The following CHL1 variants were observed in gnomAD, a reference collection of about 807,000 sequenced individuals.
The protein encoded by CHL1 is neural cell adhesion molecule L1-like protein.
CHL1 carries 96 observed loss-of-function variants against 141.9 expected under a neutral mutation model. That is an observed-to-expected ratio of 0.68 (90% CI 0.57 to 0.80). The LOEUF (loss-of-function observed/expected upper bound fraction) is 0.80. Among genes scored for constraint, CHL1 ranks in the 30% least tolerant of loss-of-function variants. The probability of loss-of-function intolerance (pLI) is 0.00; values close to 1 mark genes in which losing one functional copy is unlikely to be tolerated. For missense variants in CHL1, 1,820 were observed against 1,457.2 expected (o/e 1.25, Z -4.05); for synonymous variants, 613 against 502.2 (o/e 1.22, Z -2.95).
chr3:350,384 T>C (rs1016864678), intron 10 of CHL1, among the ~76,000 whole-genome samples: 3 of 152,278 alleles, frequency 2.0e-5, no homozygotes, highest in Admixed American at 2.0e-4. Flanking sequence ...AGGCTTTCTA[T>C]CTACAATGTA....
chr3:254,883 C>G (rs181419870), intron 2 of CHL1, among the ~76,000 whole-genome samples: 1 of 152,302 alleles, frequency 6.6e-6, no homozygotes, highest in Non-Finnish European at 1.5e-5. Flanking sequence ...CCAGTTAATA[C>G]TATCACATTG....
rs17038734 is a variant in CHL1 at position 405,343 on chromosome 3, G to C, written c.3459-152G>C. 5,626 of 580,696 alleles carry C rather than the reference G, an allele frequency of 9.7e-3. 215 individuals carry two copies. Among genetic ancestry groups the C allele is most frequent in the African/African-American group, 0.09 (4,777 of 53,356 alleles). 36.0% of individuals were successfully genotyped at this position (580,696 alleles called of 1,614,324 possible). A position where few individuals can be genotyped will look rare whatever the true frequency, so the allele number is the denominator to read the frequency against. On this transcript the variant is annotated intron_variant, in intron 27 of 27. Transcript: ENST00000256509. ...GACTTCGTAAACTTGGTAAACATTT[G>C]TGGTAGTATCATGTGGGCTTTACTA...
At chr3:303,471 C>G (rs1036067025) in intron 2 of CHL1, among the ~76,000 whole-genome samples, 1 of 152,078 alleles carries the variant, frequency 6.6e-6, no homozygotes, top group East Asian at 1.9e-4. Flanking sequence ...AAGTTGTATT[C>G]CTAGGCATTT....
chr3:209,665 T>C (rs1014173238), intron 1 of CHL1, among the ~76,000 whole-genome samples: 2 of 152,236 alleles, frequency 1.3e-5, no homozygotes, highest in African/African-American at 2.4e-5. Flanking sequence ...GCTGCACCCA[T>C]TAACTCGTCG....
chr3:253,304 G>C (rs1283091832), intron 2 of CHL1, among the ~76,000 whole-genome samples: 1 of 152,152 alleles, frequency 6.6e-6, no homozygotes, highest in Non-Finnish European at 1.5e-5. Flanking sequence ...GGATGGGACA[G>C]TTAATGCGAG....
intron 2 of CHL1, among the ~76,000 whole-genome samples, 162 bp downstream of exon 2, chr3:244,854 A>G (rs904746050): frequency 2.0e-5 from 3 of 152,198 alleles, no homozygotes; most frequent in Admixed American, 6.5e-5. Flanking sequence ...TATATCATAT[A>G]GTGAAGGTTT....
chr3:231,412 G>A (rs1157217363), intron 1 of CHL1, among the ~76,000 whole-genome samples: 1 of 151,880 alleles, frequency 6.6e-6, no homozygotes, highest in Non-Finnish European at 1.5e-5. Context: ...ATTTCCTAGA[G>A]AACTGAAGCA....
chr3:360,668 C>A (rs1180066487), intron 12 of CHL1, among the ~76,000 whole-genome samples: 3 of 150,192 alleles, frequency 2.0e-5, no homozygotes, highest in Non-Finnish European at 3.0e-5. Flanking sequence ...TATACATGTG[C>A]CATGCTGGTG....
intron 1 of CHL1, among the ~76,000 whole-genome samples, chr3:214,455 A>T (rs1251168899): frequency 6.6e-6 from 1 of 152,228 alleles, no homozygotes; most frequent in Non-Finnish European, 1.5e-5. Context: ...TCAAGTGAAA[A>T]TATTTCCTAC....
At chr3:198,277 C>A (rs1698573287) in intron 1 of CHL1, among the ~76,000 whole-genome samples, 1 of 152,048 alleles carries the variant, frequency 6.6e-6, no homozygotes. Context: ...CGCCGGCGTC[C>A]AGTCCCGCTC....
Position 260,929 on chromosome 3 carries a change from G to GT in CHL1, c.-95+16245dup, listed in dbSNP as rs909640089. On this transcript the variant is annotated intron_variant, in intron 2 of 27. Coordinates refer to ENST00000256509, the MANE Select transcript of CHL1 (RefSeq NM_006614.4). The stretch of plus-strand genomic sequence containing the variant: ...CACCAGATTGTCAGAAATTAGCCTG[G>GT]TTTTTTTTGGACAGTTTGAGAAGCC... Among the ~76,000 whole-genome samples the GT allele has an allele frequency of 7.9e-5, 12 of 152,032 alleles. No individual in the cohort carries two copies. The Middle Eastern group carries it at 0.014, about 172-fold the overall frequency.
intron 1 of CHL1, among the ~76,000 whole-genome samples, chr3:205,193 C>G (rs767328191): frequency 6.6e-6 from 1 of 151,420 alleles, no homozygotes; most frequent in Non-Finnish European, 1.5e-5. Context: ...TCACTGCAAC[C>G]TCGAACTCCT....
intron 10 of CHL1, among the ~76,000 whole-genome samples, chr3:354,433 GCA>G (rs3836376): frequency 0.025 from 3,716 of 149,300 alleles, 89 homozygotes; most frequent in African/African-American, 0.054. Context: ...TTAAACACAA[GCA>G]CACACACACA....
chr3:318,203 T>C (rs547764587), intron 2 of CHL1, among the ~76,000 whole-genome samples: 31 of 151,974 alleles, frequency 2.0e-4, no homozygotes, highest in Non-Finnish European at 4.6e-4. Flanking sequence ...CAACAGCCAT[T>C]AGTTACTACT....
intron 15 of CHL1, among the ~76,000 whole-genome samples, chr3:376,698 C>T (rs1706370391): frequency 1.3e-5 from 2 of 152,266 alleles, no homozygotes; most frequent in African/African-American, 4.8e-5. Flanking sequence ...TAAGAAGGTA[C>T]ATTTTTCAAA....
intron 2 of CHL1, among the ~76,000 whole-genome samples, chr3:305,482 T>G (rs1699143370): frequency 6.6e-6 from 1 of 152,014 alleles, no homozygotes; most frequent in African/African-American, 2.4e-5. Flanking sequence ...CTAAAAAGTT[T>G]AAGATCTTTC....
chr3:236,283 C>G (rs576708108), intron 1 of CHL1, among the ~76,000 whole-genome samples: 1 of 152,190 alleles, frequency 6.6e-6, no homozygotes, highest in Non-Finnish European at 1.5e-5. Flanking sequence ...CTTATTCATT[C>G]ACTCAAGAAA....
At chr3:290,205 G>GA (rs898483544) in intron 2 of CHL1, among the ~76,000 whole-genome samples, 4 of 152,032 alleles carry the variant, frequency 2.6e-5, no homozygotes, top group African/African-American at 9.7e-5. Flanking sequence ...AATAGACCAT[G>GA]AAAAAACCAC....
At chr3:314,942 C>G (rs1048291721) in intron 2 of CHL1, among the ~76,000 whole-genome samples, 18 of 152,132 alleles carry the variant, frequency 1.2e-4, no homozygotes, top group African/African-American at 3.9e-4. Flanking sequence ...CTACTACACT[C>G]TCACACTTTT....
Sources: allele counts gnomAD v4.1 joint callset (sites outside exome capture counted in the v4.1 genomes callset), GRCh38; gene constraint gnomAD v4.1.1; transcripts MANE v1.5; gene names NCBI Gene and HGNC (gene_info 2026-07-23, HGNC 2026-07-21).